CACNA1C: variants seen among roughly 807,000 people sequenced by gnomAD.
CACNA1C encodes the protein voltage-dependent L-type calcium channel subunit alpha-1C.
Under a neutral mutation model 229.0 loss-of-function variants are expected in CACNA1C, and 30 were observed. The ratio of observed to expected loss-of-function variants is 0.13; its 90% CI spans 0.10 to 0.18. The LOEUF is 0.18. CACNA1C is among the 10% of genes least tolerant of loss of function. CACNA1C has a pLI of 1.00. For missense variants in CACNA1C, 1,658 were observed against 2,845.0 expected (o/e 0.58, Z 9.49); for synonymous variants, 1,114 against 1,132.5 (o/e 0.98, Z 0.33).
At chr12:2,537,822 G>C (rs532135459) in intron 9 of CACNA1C, among the ~76,000 whole-genome samples, 1 of 151,826 alleles carries the variant, frequency 6.6e-6, no homozygotes, top group East Asian at 2.0e-4. Context: ...TGGTCAGATA[G>C]CCTGTTTTCC....
chr12:2,347,978 C>T (rs966553467), intron 3 of CACNA1C, among the ~76,000 whole-genome samples: 1 of 152,242 alleles, frequency 6.6e-6, no homozygotes, highest in East Asian at 1.9e-4. Context: ...GCCATTCTCA[C>T]CGGACTGTTG....
At chr12:2,490,556 T>C (rs2099719164) in intron 6 of CACNA1C, among the ~76,000 whole-genome samples, 1 of 152,244 alleles carries the variant, frequency 6.6e-6, no homozygotes, top group Non-Finnish European at 1.5e-5. Context: ...AAGCTATGAC[T>C]AGAATGGGTG....
chr12:2,098,036 A>G (rs1450640290), intron 1 of CACNA1C, among the ~76,000 whole-genome samples: 2 of 152,180 alleles, frequency 1.3e-5, no homozygotes, highest in East Asian at 3.9e-4. Context: ...AGAGCCAGAG[A>G]AGGAACGTGA....
intron 3 of CACNA1C, among the ~76,000 whole-genome samples, chr12:2,194,490 C>T (rs545692779): frequency 1.3e-5 from 2 of 151,900 alleles, no homozygotes; most frequent in Admixed American, 1.3e-4. Context: ...TTTGTTTCTC[C>T]CTTTCTGTTC....
intron 10 of CACNA1C, among the ~76,000 whole-genome samples, chr12:2,554,182 TA>T (rs2042828961): frequency 6.6e-6 from 1 of 152,010 alleles, no homozygotes; most frequent in African/African-American, 2.4e-5. Flanking sequence ...ACTGAGTAAC[TA>T]GGGGAAAAAA....
intron 9 of CACNA1C, among the ~76,000 whole-genome samples, chr12:2,531,840 G>A (rs566158174): frequency 3.2e-4 from 49 of 152,068 alleles, no homozygotes; most frequent in South Asian, 6.2e-4. Context: ...CTTCTCTCCC[G>A]TCATCCCCAC....
intron 18 of CACNA1C, among the ~76,000 whole-genome samples, chr12:2,590,406 C>T (rs2064710051): frequency 6.6e-6 from 1 of 152,216 alleles, no homozygotes; most frequent in African/African-American, 2.4e-5. Flanking sequence ...CTAATGTATT[C>T]TACTGGCATT....
At chr12:2,341,621 T>A (rs184252708) in intron 3 of CACNA1C, among the ~76,000 whole-genome samples, 3 of 152,368 alleles carry the variant, frequency 2.0e-5, no homozygotes, top group African/African-American at 7.2e-5. Flanking sequence ...TCTGTCATTG[T>A]CTTCTTGCCT....
At chr12:2,199,055 C>T (rs1304610916) in intron 3 of CACNA1C, among the ~76,000 whole-genome samples, 16 of 152,122 alleles carry the variant, frequency 1.1e-4, no homozygotes, top group South Asian at 2.1e-4. Context: ...TGATCATGAT[C>T]GTGTCCATGA....
At chr12:2,015,606 C>T (rs747876488) in intron 1 of CACNA1C, among the ~76,000 whole-genome samples, 3 of 152,192 alleles carry the variant, frequency 2.0e-5, no homozygotes, top group Non-Finnish European at 2.9e-5. Context: ...CAACCCTGGC[C>T]ACACTTTAAA....
rs142427899 is a variant in CACNA1C at position 1,978,767 on chromosome 12, C to T, written c.139+7566C>T. Among the ~76,000 whole-genome samples, 713 of 152,276 alleles carry T rather than the reference C, an allele frequency of 4.7e-3. 8 individuals carry two copies. Among genetic ancestry groups the T allele is most frequent in the African/African-American group, 0.016 (680 of 41,550 alleles). ...TGCCTGTTCTTCAACTTCATATAAA[C>T]TTCATATAAATGGGGTCGTACAGTA... On this transcript the variant is annotated intron_variant, in intron 1 of 46. Transcript: ENST00000682462.
chr12:2,246,329 C>T (rs1257771194), intron 3 of CACNA1C, among the ~76,000 whole-genome samples: 3 of 151,944 alleles, frequency 2.0e-5, no homozygotes, highest in African/African-American at 7.3e-5. Flanking sequence ...GATCGGGGGC[C>T]GAGGCTGAAT....
intron 3 of CACNA1C, among the ~76,000 whole-genome samples, chr12:2,162,934 T>C (rs1027727463): frequency 1.2e-4 from 19 of 152,144 alleles, no homozygotes; most frequent in Non-Finnish European, 2.9e-5. Context: ...CATTTGCCCA[T>C]GCACATGGAA....
chr12:2,605,218 G>A lies in CACNA1C; in HGVS notation c.3048+50G>A, dbSNP rs763999604. The A allele has an allele frequency of 1.5e-6, 2 of 1,306,458 alleles. No individual in the cohort carries two copies. Among genetic ancestry groups the A allele is most frequent in the Non-Finnish European group, 2.2e-6 (2 of 900,992 alleles). The allele number at this position is 1,306,458 out of a possible 1,614,324, so 80.9% of individuals were successfully genotyped here. A position where few individuals can be genotyped will look rare whatever the true frequency, so the allele number is the denominator to read the frequency against. On this transcript the variant is annotated intron_variant, in intron 23 of 46. Transcript: ENST00000399655. This position sits in a 1 kb window ranked among gnomAD's most constrained non-coding sequence, Gnocchi z 6.2. ...GTCTCCAGCCAGCCCATTGGGGAGTGGGAGCTCCACAGAGGTGAGGGGTGG... is the reference window on the plus strand; with the variant it reads ...GTCTCCAGCCAGCCCATTGGGGAGTAGGAGCTCCACAGAGGTGAGGGGTGG...
intron 3 of CACNA1C, among the ~76,000 whole-genome samples, chr12:2,234,217 AC>A (rs2066434721): frequency 6.6e-6 from 1 of 151,268 alleles, no homozygotes; most frequent in Non-Finnish European, 1.5e-5. Context: ...AGTGCTGAAA[AC>A]TCATGCTGAG....
rs116039837 is a variant in CACNA1C at position 2,672,805 on chromosome 12, C to T, written c.4727-1736C>T. ...ACATGAATTTTGGGAGGACACTATT[C>T]AGCCCAGTACCGAAGCTAAGTATAT... On this transcript the variant is annotated intron_variant, in intron 38 of 46. Transcript: ENST00000399655. Among the ~76,000 whole-genome samples the T allele has an allele frequency of 4.3e-3, 658 of 152,352 alleles. 4 individuals are homozygous for T. Among genetic ancestry groups the T allele is most frequent in the African/African-American group, 0.015 (613 of 41,576 alleles).
At chr12:2,080,413 A>G (rs2154049945) in intron 1 of CACNA1C, among the ~76,000 whole-genome samples, 1 of 152,326 alleles carries the variant, frequency 6.6e-6, no homozygotes, top group Middle Eastern at 3.4e-3. Context: ...CATCCTGGCT[A>G]ACATGGTGAA....
At chr12:2,016,821 G>A (rs1332752204) in intron 1 of CACNA1C, among the ~76,000 whole-genome samples, 1 of 152,230 alleles carries the variant, frequency 6.6e-6, no homozygotes, top group African/African-American at 2.4e-5. Context: ...TAAGGTGCCA[G>A]ACACTGGCTT....
chr12:2,362,429 C>T (rs1001184106), intron 3 of CACNA1C, among the ~76,000 whole-genome samples: 13 of 152,190 alleles, frequency 8.5e-5, no homozygotes, highest in African/African-American at 2.9e-4. Flanking sequence ...CTTCTGAATC[C>T]TACATGTTTT....
Sources: allele counts gnomAD v4.1 joint callset (sites outside exome capture counted in the v4.1 genomes callset), GRCh38; gene constraint gnomAD v4.1.1; non-coding constraint Gnocchi (gnomAD v3.1); transcripts MANE v1.5; gene names NCBI Gene and HGNC (gene_info 2026-07-23, HGNC 2026-07-21).